THSD4: variants seen among roughly 807,000 people sequenced by gnomAD.
THSD4 encodes the protein thrombospondin type 1 domain containing 4, also known as thrombospondin type-1 domain-containing protein 4.
In THSD4, 69 loss-of-function variants were observed where a neutral mutation model predicts 119.0. The ratio of observed to expected loss-of-function variants is 0.58; its 90% CI spans 0.48 to 0.71. The LOEUF (loss-of-function observed/expected upper bound fraction) is 0.71. Ranked by LOEUF, THSD4 falls within the 30% of genes least tolerant of loss-of-function variation. THSD4 has a pLI of 0.00. For synonymous variants in THSD4, 524 were observed against 540.4 expected (o/e 0.97, Z 0.42); for missense variants, 1,393 against 1,391.1 (o/e 1.00, Z -0.02).
chr15:71,396,122 G>A (rs905319562), intron 6 of THSD4, among the ~76,000 whole-genome samples: 2 of 151,942 alleles, frequency 1.3e-5, no homozygotes, highest in Non-Finnish European at 2.9e-5. Context: ...GTGTGGATGT[G>A]CACACACATA....
chr15:71,202,930 C>G (rs909066948), intron 3 of THSD4, among the ~76,000 whole-genome samples: 1 of 152,134 alleles, frequency 6.6e-6, no homozygotes, highest in African/African-American at 2.4e-5. Context: ...GGGCAGAACA[C>G]AAAAATAAAT....
chr15:71,538,939 T>C (rs1360165234), intron 7 of THSD4, among the ~76,000 whole-genome samples: 2 of 152,360 alleles, frequency 1.3e-5, no homozygotes, highest in East Asian at 3.9e-4. Context: ...CTGAGCCCAG[T>C]TGAGCCAAGT....
chr15:71,758,790 T>G (rs893520035), intron 15 of THSD4, among the ~76,000 whole-genome samples: 1 of 152,200 alleles, frequency 6.6e-6, no homozygotes. Context: ...TCTGGCTCCA[T>G]ATAGAATTTT....
chr15:71,304,692 A>G (rs1442459895), intron 6 of THSD4, among the ~76,000 whole-genome samples: 2 of 152,160 alleles, frequency 1.3e-5, no homozygotes, highest in Admixed American at 1.3e-4. Flanking sequence ...GGAGTTTCCA[A>G]TGTTCTCCAA....
In THSD4 at chr15:71,164,848, A is replaced by T; in HGVS notation, c.99+9916A>T. ...CCTCCTCATCCTCTTCATCTTCCTC[A>T]TCTTCCTCCTCTTCCTTCTTTTTCT... On this transcript the variant is annotated intron_variant, in intron 3 of 17. Transcript: ENST00000261862. 3.2e-6 allele frequency: 5 copies of T among 1,584,912 alleles called. No homozygotes were observed. In the South Asian group the frequency reaches 5.8e-5, roughly 18 times the overall value.
chr15:71,331,031 G>GT (rs2045414070), intron 6 of THSD4, among the ~76,000 whole-genome samples: 1 of 152,076 alleles, frequency 6.6e-6, no homozygotes, highest in Non-Finnish European at 1.5e-5. Context: ...TAGACAGAGC[G>GT]TTGAGCTCAT....
At position 71,486,607 on chromosome 15, in the gene THSD4, T is replaced by C. The variant is rs1389174724; in HGVS notation, c.1152+74784T>C. 3.1e-5 allele frequency among the ~76,000 whole-genome samples: 3 copies of C among 95,834 alleles called. No homozygotes were observed. In the East Asian group the frequency reaches 1.3e-3, roughly 41 times the overall value. The allele number at this position is 95,834 out of a possible 152,430, so 62.9% of individuals were successfully genotyped here. ...CTACCTCCCTAATGCCAAGTTTCTT[T>C]TCTGTTTTTTTTTTTTTTTTTTTTT... On this transcript the variant is annotated intron_variant, in intron 7 of 17. Coordinates refer to ENST00000261862, the MANE Select transcript of THSD4 (RefSeq NM_024817.3).
At chr15:71,160,795 T>C (rs562565998) in intron 3 of THSD4, among the ~76,000 whole-genome samples, 8 of 151,984 alleles carry the variant, frequency 5.3e-5, no homozygotes, top group Middle Eastern at 3.4e-3. Context: ...TAGTATCTTT[T>C]GTTCATTTCT....
chr15:71,486,634 TTTA>T (rs1182047513), intron 7 of THSD4, among the ~76,000 whole-genome samples: 21 of 124,826 alleles, frequency 1.7e-4, no homozygotes, highest in African/African-American at 3.4e-4. Flanking sequence ...TTTTTTTTTT[TTTA>T]TTTCCCACTC....
At chr15:71,442,665 T>TATATATAC (rs2047123949) in intron 7 of THSD4, among the ~76,000 whole-genome samples, 5 of 74,242 alleles carry the variant, frequency 6.7e-5, no homozygotes, top group African/African-American at 1.5e-4. Context: ...TGTGTGTATA[T>TATATATAC]ATATATATAT....
chr15:71,479,042 C>T (rs920758477), intron 7 of THSD4, among the ~76,000 whole-genome samples: 2 of 150,892 alleles, frequency 1.3e-5, no homozygotes, highest in Non-Finnish European at 2.9e-5. Context: ...CAGTGGCAGT[C>T]GAGGGGAACA....
rs550695023 is a variant in THSD4, at chr15:71,753,265, A to G, written c.2416-4637A>G. ...GCCTTATCAGAAGTAAGCATCGTTG[A>G]CTTTTCAGTTCTACAAATCAATGAT... On this transcript the variant is annotated intron_variant, in intron 14 of 17. Transcript: ENST00000261862. Among the ~76,000 whole-genome samples the G allele has an allele frequency of 6.6e-5, 10 of 152,290 alleles. No individual in the cohort carries two copies. The South Asian group carries it at 1.5e-3, about 22-fold the overall frequency.
At chr15:71,512,108 G>A (rs2048292124) in intron 7 of THSD4, among the ~76,000 whole-genome samples, 1 of 152,110 alleles carries the variant, frequency 6.6e-6, no homozygotes, top group South Asian at 2.1e-4. Context: ...TAAGAAATCA[G>A]GGGGTAACCG....
At position 71,721,242 on chromosome 15, in the gene THSD4, C is replaced by G. The variant is rs189753767; in HGVS notation, c.1358-7307C>G. Among the ~76,000 whole-genome samples, 563 of 152,172 alleles carry G rather than the reference C, an allele frequency of 3.7e-3. 4 individuals are homozygous for G. Among genetic ancestry groups the G allele is most frequent in the African/African-American group, 0.012 (516 of 41,502 alleles). On this transcript the variant is annotated intron_variant, in intron 8 of 17. Transcript: ENST00000261862. The stretch of plus-strand genomic sequence containing the variant: ...AAAAGACCAGGTGCGGTGGCTCACC[C>G]CTGTGCCTGTAATCCCAGCACTTTG...
chr15:71,615,495 A>G (rs72740656), intron 7 of THSD4, among the ~76,000 whole-genome samples: 4,710 of 152,188 alleles, frequency 0.031, 117 homozygotes, highest in Non-Finnish European at 0.041. Flanking sequence ...GTAATTATGT[A>G]TTTTATACTA....
At chr15:71,215,439 T>G in intron 4 of THSD4, 40 bp downstream of exon 4, 1 of 1,477,846 alleles carries the variant, frequency 6.8e-7, no homozygotes, top group Non-Finnish European at 9.0e-7. Context: ...CCCGTCCCTG[T>G]CCCAGTATCT....
At chr15:71,588,271 A>C (rs1205811406) in intron 7 of THSD4, among the ~76,000 whole-genome samples, 1 of 144,352 alleles carries the variant, frequency 6.9e-6, no homozygotes, top group African/African-American at 2.6e-5. Flanking sequence ...GCGCCACTGC[A>C]CTCCAGCCTG....
intron 6 of THSD4, among the ~76,000 whole-genome samples, chr15:71,403,499 AC>A (rs1313752656): frequency 6.6e-6 from 1 of 152,054 alleles, no homozygotes; most frequent in Non-Finnish European, 1.5e-5. Context: ...AAGTGATGTA[AC>A]CTTCATGAGG....
At chr15:71,728,845 A>G in intron 9 of THSD4, 121 bp downstream of exon 9, 2 of 1,302,170 alleles carry the variant, frequency 1.5e-6, no homozygotes, top group East Asian at 4.7e-5. Context: ...CTTTGAGCAG[A>G]GCCTGTTGGA....
Sources: gnomAD v4.1 joint callset for allele counts (sites outside exome capture counted in the v4.1 genomes callset) on GRCh38, gnomAD v4.1.1 for gene constraint, MANE v1.5 for transcripts, NCBI Gene and HGNC (gene_info 2026-07-23, HGNC 2026-07-21) for gene names.